TIAM1: variants seen among roughly 807,000 people sequenced by gnomAD.
TIAM1 encodes TIAM Rac1 associated GEF 1, also known as rho guanine nucleotide exchange factor TIAM1.
In TIAM1, 65 loss-of-function variants were observed where a neutral mutation model predicts 163.5. The ratio of observed to expected loss-of-function variants is 0.40; its 90% confidence interval spans 0.33 to 0.49. The LOEUF is 0.49. Among genes scored for constraint, TIAM1 ranks in the 20% least tolerant of loss-of-function variants. TIAM1 has a pLI of 0.77. For synonymous variants in TIAM1, 833 were observed against 810.1 expected (o/e 1.03, Z -0.48); for missense variants, 1,789 against 2,044.7 (o/e 0.87, Z 2.41).
chr21:31,251,161 G>A (rs193218996), intron 5 of TIAM1, among the ~76,000 whole-genome samples: 1 of 152,074 alleles, frequency 6.6e-6, no homozygotes, highest in African/African-American at 2.4e-5. Flanking sequence ...AAAAGATTTG[G>A]TTTTTTTGGA....
chr21:31,288,258 C>CA (rs759993469), intron 2 of TIAM1, among the ~76,000 whole-genome samples: 102 of 151,734 alleles, frequency 6.7e-4, no homozygotes, highest in Non-Finnish European at 9.6e-4. Flanking sequence ...AACAAACAAA[C>CA]AAAAAAAACA....
At chr21:31,506,040 C>A (rs916290925) in intron 1 of TIAM1, among the ~76,000 whole-genome samples, 2 of 148,888 alleles carry the variant, frequency 1.3e-5, no homozygotes, top group Non-Finnish European at 3.0e-5. Flanking sequence ...AAGGCTGATG[C>A]GCACAACAGG....
intron 19 of TIAM1, among the ~76,000 whole-genome samples, chr21:31,149,518 A>G (rs945084987): frequency 6.6e-6 from 1 of 152,154 alleles, no homozygotes; most frequent in Non-Finnish European, 1.5e-5. Context: ...CAGTACACTC[A>G]AGTCTATATC....
At chr21:31,307,952 G>A (rs1408972669) in intron 2 of TIAM1, among the ~76,000 whole-genome samples, 1 of 152,158 alleles carries the variant, frequency 6.6e-6, no homozygotes, top group African/African-American at 2.4e-5. Flanking sequence ...TATACAATGG[G>A]CTGGGTGCGG....
At chr21:31,182,976 G>T (rs1187684656) in intron 14 of TIAM1, among the ~76,000 whole-genome samples, 1 of 152,180 alleles carries the variant, frequency 6.6e-6, no homozygotes. Flanking sequence ...TTTTGGGGCG[G>T]GGCGAGCGGG....
At chr21:31,183,814 C>T (rs1325106418) in intron 14 of TIAM1, among the ~76,000 whole-genome samples, 3 of 150,394 alleles carry the variant, frequency 2.0e-5, no homozygotes, top group African/African-American at 7.4e-5. Flanking sequence ...CCTGCCTCAG[C>T]CTCCCAAGTA....
chr21:31,360,511 G>C (rs182134961), intron 2 of TIAM1, among the ~76,000 whole-genome samples: 86 of 151,640 alleles, frequency 5.7e-4, no homozygotes, highest in African/African-American at 1.4e-3. Context: ...TTTTTAATAG[G>C]ATAGACATTA....
chr21:31,334,706 A>G (rs2075785751), intron 2 of TIAM1, among the ~76,000 whole-genome samples: 1 of 152,146 alleles, frequency 6.6e-6, no homozygotes, highest in Non-Finnish European at 1.5e-5. Context: ...AAGCAAACCG[A>G]ACTCTGCTGA....
intron 2 of TIAM1, among the ~76,000 whole-genome samples, chr21:31,303,147 T>C (rs1317096425): frequency 6.6e-6 from 1 of 152,186 alleles, no homozygotes; most frequent in Non-Finnish European, 1.5e-5. Flanking sequence ...TCAGTTACTT[T>C]ATAAATACTG....
intron 15 of TIAM1, among the ~76,000 whole-genome samples, chr21:31,166,352 C>G (rs1446850784): frequency 6.6e-6 from 1 of 152,110 alleles, no homozygotes; most frequent in African/African-American, 2.4e-5. Flanking sequence ...CAGAAGGAGC[C>G]CCTGATGCTT....
intron 1 of TIAM1, among the ~76,000 whole-genome samples, chr21:31,475,062 T>TTATTATTA (rs374227573): frequency 0.098 from 7,438 of 75,784 alleles, 270 homozygotes; most frequent in Admixed American, 0.12. Flanking sequence ...ATTATTATTA[T>TTATTATTA]TTAGTTTTAG....
At chr21:31,261,438 G>A (rs998728889) in intron 4 of TIAM1, among the ~76,000 whole-genome samples, 7 of 152,132 alleles carry the variant, frequency 4.6e-5, no homozygotes, top group Non-Finnish European at 7.4e-5. Context: ...TTGGCCGGGT[G>A]CGGTGGCTCA....
intron 2 of TIAM1, among the ~76,000 whole-genome samples, chr21:31,431,380 G>T (rs899612593): frequency 6.6e-6 from 1 of 152,130 alleles, no homozygotes; most frequent in Non-Finnish European, 1.5e-5. Context: ...GGGGGTGGAT[G>T]GGGGTGGGCA....
At chr21:31,456,933 C>G (rs551302995) in intron 2 of TIAM1, among the ~76,000 whole-genome samples, 1 of 152,182 alleles carries the variant, frequency 6.6e-6, no homozygotes, top group Non-Finnish European at 1.5e-5. Flanking sequence ...AAATCAGGAT[C>G]CATACAAGAC....
intron 2 of TIAM1, among the ~76,000 whole-genome samples, chr21:31,338,449 G>A (rs1184002406): frequency 1.3e-5 from 2 of 152,144 alleles, no homozygotes; most frequent in Non-Finnish European, 2.9e-5. Context: ...CGAGAGGAAG[G>A]CAAAGTTGAA....
At chr21:31,219,303 G>A (rs1019333151) in intron 8 of TIAM1, among the ~76,000 whole-genome samples, 6 of 152,032 alleles carry the variant, frequency 3.9e-5, no homozygotes, top group African/African-American at 7.2e-5. Flanking sequence ...CCACCCGCTC[G>A]CCTTTCAAAA....
chr21:31,557,005 C>T (rs1730151125), intron 1 of TIAM1, among the ~76,000 whole-genome samples: 1 of 152,252 alleles, frequency 6.6e-6, no homozygotes, highest in African/African-American at 2.4e-5. Flanking sequence ...TCAAACCTCC[C>T]TCCTTCCTGG....
chr21:31,361,820 C>T (rs183994547), intron 2 of TIAM1, among the ~76,000 whole-genome samples: 211 of 147,604 alleles, frequency 1.4e-3, no homozygotes, highest in Admixed American at 3.8e-3. Context: ...ATCATAGATT[C>T]CTTTGAGGAA....
chr21:31,188,914 T>A (rs552460202), intron 13 of TIAM1, among the ~76,000 whole-genome samples: 1 of 151,788 alleles, frequency 6.6e-6, no homozygotes, highest in Admixed American at 6.6e-5. Flanking sequence ...CCCTGTGGGG[T>A]ACCAGGAAAC....
Sources: allele counts gnomAD v4.1 joint callset (sites outside exome capture counted in the v4.1 genomes callset), GRCh38; gene constraint gnomAD v4.1.1; transcripts MANE v1.5; gene names NCBI Gene and HGNC (gene_info 2026-07-23, HGNC 2026-07-21).